The following RBFOX1 variants were observed in gnomAD, a reference collection of about 807,000 sequenced individuals.
RBFOX1 encodes RNA binding fox-1 homolog 1, also known as RNA binding protein fox-1 homolog 1.
Under a neutral mutation model 57.7 loss-of-function variants are expected in RBFOX1, and 8 were observed. The ratio of observed to expected loss-of-function variants is 0.14; its 90% CI spans 0.08 to 0.25. The LOEUF is 0.25. Among genes scored for constraint, RBFOX1 ranks in the 10% least tolerant of loss-of-function variants. The pLI, the probability that RBFOX1 is intolerant of heterozygous loss-of-function variation, is 1.00. For missense variants in RBFOX1, 611 were observed against 548.5 expected (o/e 1.11, Z -1.14); for synonymous variants, 326 against 222.4 (o/e 1.47, Z -4.15).
At chr16:7,050,979 A>G (rs1261445494) in intron 3 of RBFOX1, among the ~76,000 whole-genome samples, 1 of 152,026 alleles carries the variant, frequency 6.6e-6, no homozygotes, top group Non-Finnish European at 1.5e-5. Flanking sequence ...TTTTGTTTTT[A>G]GAGAAAGTCA....
chr16:6,152,528 C>T (rs1394081520), intron 1 of RBFOX1, among the ~76,000 whole-genome samples: 1 of 152,148 alleles, frequency 6.6e-6, no homozygotes, highest in Non-Finnish European at 1.5e-5. Context: ...TTTAGAGGCC[C>T]CACTGGAGTG....
chr16:6,727,467 G>C (rs1486664109), intron 3 of RBFOX1, among the ~76,000 whole-genome samples: 1 of 151,550 alleles, frequency 6.6e-6, no homozygotes, highest in Non-Finnish European at 1.5e-5. Flanking sequence ...ACCTACACCA[G>C]ATGAAGCACA....
rs559811473 is a variant in RBFOX1 at position 6,150,173 on chromosome 16, C to T, written c.-127+130181C>T. 5.3e-5 allele frequency among the ~76,000 whole-genome samples: 8 copies of T among 152,246 alleles called. No homozygotes were observed. The East Asian group carries it at 1.5e-3, about 29-fold the overall frequency. ...ACAGCTGAGGCTGCTGGAGGTAATGCTGAGAGGAAGCATATCGTGAGACCA... is the reference window on the plus strand; with the variant it reads ...ACAGCTGAGGCTGCTGGAGGTAATGTTGAGAGGAAGCATATCGTGAGACCA... On this transcript the variant is annotated intron_variant, in intron 1 of 15. Transcript: ENST00000550418.
intron 4 of RBFOX1, among the ~76,000 whole-genome samples, chr16:7,223,880 T>G (rs1183297887): frequency 1.3e-5 from 2 of 151,856 alleles, no homozygotes; most frequent in East Asian, 3.9e-4. Flanking sequence ...CTGTTATGGC[T>G]GGTTGGTGAG....
chr16:6,694,509 A>G (rs1270269548), intron 3 of RBFOX1, among the ~76,000 whole-genome samples: 3 of 152,200 alleles, frequency 2.0e-5, no homozygotes, highest in Non-Finnish European at 4.4e-5. Flanking sequence ...GGAAATTCCT[A>G]AGTGTTTTAG....
intron 2 of RBFOX1, among the ~76,000 whole-genome samples, chr16:5,574,629 C>G (rs1275217674): frequency 6.6e-6 from 1 of 151,948 alleles, no homozygotes; most frequent in South Asian, 2.1e-4. Flanking sequence ...TGGGGTTTCG[C>G]CAAGTTGGTC....
chr16:5,560,553 C>T (rs561198704), intron 2 of RBFOX1, among the ~76,000 whole-genome samples: 22 of 152,334 alleles, frequency 1.4e-4, no homozygotes, highest in Admixed American at 5.2e-4. Flanking sequence ...AATCTCCTGT[C>T]ATCTGTGCAT....
chr16:5,770,681 G>C (rs1326030113), intron 3 of RBFOX1, among the ~76,000 whole-genome samples: 1 of 152,254 alleles, frequency 6.6e-6, no homozygotes. Flanking sequence ...ACATAGCCAA[G>C]AACCCTCCTG....
intron 2 of RBFOX1, among the ~76,000 whole-genome samples, chr16:6,524,019 C>G (rs1426758518): frequency 5.3e-5 from 8 of 152,140 alleles, no homozygotes; most frequent in African/African-American, 1.7e-4. Context: ...TCCAATTACA[C>G]TCTTTATTTT....
intron 1 of RBFOX1, among the ~76,000 whole-genome samples, chr16:6,133,059 A>C (rs563733862): frequency 6.7e-6 from 1 of 149,566 alleles, no homozygotes; most frequent in South Asian, 2.1e-4. Context: ...TTTCTGAGAG[A>C]CTGCCTCAAA....
At chr16:6,845,795 C>T (rs1041703507) in intron 3 of RBFOX1, among the ~76,000 whole-genome samples, 2 of 152,188 alleles carry the variant, frequency 1.3e-5, no homozygotes, top group Non-Finnish European at 2.9e-5. Context: ...AAGTAAGGCT[C>T]TTTCATATTT....
In RBFOX1 at chr16:6,803,611, G is replaced by C. The variant is rs533487958; in HGVS notation, c.-16+148961G>C. ...AATAAAGTAACTGAGAAGGAAACAG[G>C]ATTCCTAAACCGAATGGACTTTAGC... On this transcript the variant is annotated intron_variant, in intron 3 of 15. Transcript: ENST00000550418. Among the ~76,000 whole-genome samples, 22 of 152,244 alleles carry C rather than the reference G, an allele frequency of 1.4e-4. No homozygotes were observed. In the South Asian group the frequency reaches 4.1e-3, roughly 29 times the overall value.
In RBFOX1 at chr16:6,853,771, A is replaced by T. The variant is rs184455608; in HGVS notation, c.-15-198286A>T. Among the ~76,000 whole-genome samples, 428 of 152,170 alleles carry T rather than the reference A, an allele frequency of 2.8e-3. 1 individual carries two copies. The highest frequency in any genetic ancestry group is 0.01 in the African/African-American group (419 of 41,502). Reference sequence around the variant, plus strand: ...CTCACTGTGCGTGGAGAGGAGCTGCACTCTGACCTCACTTGAAGAAACCAC... The same window carrying T: ...CTCACTGTGCGTGGAGAGGAGCTGCTCTCTGACCTCACTTGAAGAAACCAC... On this transcript the variant is annotated intron_variant, in intron 3 of 15. Coordinates refer to ENST00000550418, the MANE Select transcript of RBFOX1 (RefSeq NM_018723.4).
intron 4 of RBFOX1, among the ~76,000 whole-genome samples, chr16:7,286,136 A>G (rs537102737): frequency 6.6e-6 from 1 of 152,350 alleles, no homozygotes; most frequent in South Asian, 2.1e-4. Flanking sequence ...GAATGCATGA[A>G]TACCACTGCT....
chr16:5,677,155 C>T (rs746955739), intron 3 of RBFOX1, among the ~76,000 whole-genome samples: 1 of 152,172 alleles, frequency 6.6e-6, no homozygotes, highest in African/African-American at 2.4e-5. Context: ...GAACCCAGGC[C>T]TCTGATGTTG....
chr16:7,405,997 G>C (rs2098333712), intron 4 of RBFOX1, among the ~76,000 whole-genome samples: 1 of 152,144 alleles, frequency 6.6e-6, no homozygotes, highest in Non-Finnish European at 1.5e-5. Context: ...TGCTGCAATT[G>C]ATCCTGCAAC....
At position 5,687,754 on chromosome 16, in the gene RBFOX1, C is replaced by G. The variant is rs553102246; in HGVS notation, c.318+88793C>G. 6.6e-5 allele frequency among the ~76,000 whole-genome samples: 10 copies of G among 152,270 alleles called. No individual in the cohort carries two copies. In the South Asian group the frequency reaches 2.1e-3, roughly 32 times the overall value. ...TTCTCAGGAAAACTGGAAGAGTTAGCCTTTCAAATCTCCACTAATGGCTCT... is the reference window on the plus strand; with the variant it reads ...TTCTCAGGAAAACTGGAAGAGTTAGGCTTTCAAATCTCCACTAATGGCTCT... On this transcript the variant is annotated intron_variant, in intron 3 of 19. Transcript: ENST00000641259.
At chr16:6,069,170 G>A (rs569894613) in intron 1 of RBFOX1, among the ~76,000 whole-genome samples, 1 of 152,112 alleles carries the variant, frequency 6.6e-6, no homozygotes, top group Non-Finnish European at 1.5e-5. Context: ...AGGCCGAGGC[G>A]GATGGATCAC....
intron 1 of RBFOX1, among the ~76,000 whole-genome samples, chr16:5,317,524 G>T (rs531897230): frequency 3.0e-4 from 46 of 152,268 alleles, no homozygotes; most frequent in African/African-American, 1.1e-3. Context: ...AACGAGAATC[G>T]CTTGAATCTG....
Sources: gnomAD v4.1 joint callset for allele counts (sites outside exome capture counted in the v4.1 genomes callset) on GRCh38, gnomAD v4.1.1 for gene constraint, MANE v1.5 for transcripts, NCBI Gene and HGNC (gene_info 2026-07-23, HGNC 2026-07-21) for gene names.